The following CDH18 variants were observed in gnomAD, a reference collection of about 807,000 sequenced individuals.
CDH18 encodes cadherin 18, also known as cadherin-18.
CDH18 carries 31 observed loss-of-function variants against 67.9 expected under a neutral mutation model. That is an observed-to-expected ratio of 0.46 (90% CI 0.34 to 0.62). The LOEUF is 0.62. Among genes scored for constraint, CDH18 ranks in the 20% least tolerant of loss-of-function variants. The pLI is 0.01. For synonymous variants in CDH18, 362 were observed against 347.2 expected (o/e 1.04, Z -0.48); for missense variants, 890 against 975.5 (o/e 0.91, Z 1.17).
chr5:19,482,195 C>A (rs1458171837), intron 12 of CDH18, among the ~76,000 whole-genome samples: 4 of 151,846 alleles, frequency 2.6e-5, no homozygotes, highest in South Asian at 2.1e-4. Context: ...AGCTCACTGC[C>A]AGCTCCGCCT....
intron 9 of CDH18, among the ~76,000 whole-genome samples, chr5:19,528,562 C>T (rs114736438): frequency 1.4e-3 from 213 of 151,808 alleles, no homozygotes; most frequent in African/African-American, 5.0e-3. Flanking sequence ...CATCAAACTG[C>T]AATCTCTCAA....
At chr5:19,892,375 C>T (rs1285738657) in intron 2 of CDH18, among the ~76,000 whole-genome samples, 1 of 152,018 alleles carries the variant, frequency 6.6e-6, no homozygotes, top group African/African-American at 2.4e-5. Context: ...TTTACTTTTT[C>T]ATATTGAGAA....
chr5:19,505,891 T>A (rs1365367946), intron 10 of CDH18, among the ~76,000 whole-genome samples: 1 of 152,182 alleles, frequency 6.6e-6, no homozygotes, highest in East Asian at 1.9e-4. Context: ...TCAGAAGGAA[T>A]GGTACCAGCT....
chr5:20,172,324 A>C (rs1244099863), intron 2 of CDH18, among the ~76,000 whole-genome samples: 2 of 147,830 alleles, frequency 1.4e-5, no homozygotes, highest in African/African-American at 5.0e-5. Flanking sequence ...TTACCAGTAC[A>C]TATTCATGAA....
intron 1 of CDH18, among the ~76,000 whole-genome samples, chr5:20,559,665 A>C (rs2126642684): frequency 6.6e-6 from 1 of 152,238 alleles, no homozygotes; most frequent in Admixed American, 6.6e-5. Context: ...TTAAACTAAT[A>C]GAAAAATATA....
chr5:20,104,144 T>G (rs1013352237), intron 2 of CDH18, among the ~76,000 whole-genome samples: 8 of 151,250 alleles, frequency 5.3e-5, no homozygotes, highest in Admixed American at 4.0e-4. Context: ...GCTATTAATA[T>G]AGATATAGAT....
At chr5:19,793,114 G>T (rs569271455) in intron 3 of CDH18, among the ~76,000 whole-genome samples, 2 of 152,104 alleles carry the variant, frequency 1.3e-5, no homozygotes, top group African/African-American at 4.8e-5. Flanking sequence ...AGAAAACCCT[G>T]CAATTCTATA....
intron 2 of CDH18, among the ~76,000 whole-genome samples, chr5:20,205,606 G>C (rs1739818636): frequency 6.6e-6 from 1 of 151,772 alleles, no homozygotes; most frequent in Non-Finnish European, 1.5e-5. Context: ...AATATAGACT[G>C]TATCTTAGGT....
intron 3 of CDH18, among the ~76,000 whole-genome samples, chr5:19,805,540 C>T (rs557506162): frequency 2.0e-5 from 3 of 152,126 alleles, no homozygotes; most frequent in African/African-American, 4.8e-5. Context: ...TACTCTTTAG[C>T]CTACATCTCT....
At position 19,844,407 on chromosome 5, in the gene CDH18, C is replaced by G. The variant is rs183502790; in HGVS notation, c.-256-5165G>C. ...TCTTTCCCCTTTGTTCTGCAATTCTCTCTCCTGTAGACTTGTGAAAAAGGG... is the reference window on the plus strand; with the variant it reads ...TCTTTCCCCTTTGTTCTGCAATTCTGTCTCCTGTAGACTTGTGAAAAAGGG... On this transcript the variant is annotated intron_variant, in intron 2 of 12. Coordinates refer to ENST00000382275, the MANE Select transcript of CDH18 (RefSeq NM_004934.5). Among the ~76,000 whole-genome samples, 9 of 152,234 alleles carry G rather than the reference C, an allele frequency of 5.9e-5. No homozygotes were observed. In the East Asian group the frequency reaches 9.7e-4, roughly 16 times the overall value.
intron 5 of CDH18, among the ~76,000 whole-genome samples, chr5:19,630,673 T>A (rs935979397): frequency 6.6e-6 from 1 of 152,142 alleles, no homozygotes; most frequent in Non-Finnish European, 1.5e-5. Context: ...GTAATAGAAG[T>A]AGGCACCTAA....
At chr5:19,548,659 GA>G (rs1355308666) in intron 8 of CDH18, among the ~76,000 whole-genome samples, 1 of 151,708 alleles carries the variant, frequency 6.6e-6, no homozygotes, top group Non-Finnish European at 1.5e-5. Flanking sequence ...ATGAAGAAAC[GA>G]AGGGACAGAG....
chr5:20,549,873 C>T (rs566586767), intron 1 of CDH18, among the ~76,000 whole-genome samples: 2 of 152,084 alleles, frequency 1.3e-5, no homozygotes, highest in South Asian at 4.1e-4. Flanking sequence ...TGATAAACTT[C>T]TTTTCAAAGA....
intron 3 of CDH18, among the ~76,000 whole-genome samples, chr5:19,768,613 A>G (rs1773370992): frequency 6.6e-6 from 1 of 152,122 alleles, no homozygotes; most frequent in South Asian, 2.1e-4. Context: ...CCAGATATTT[A>G]AAAATCTCTG....
At chr5:19,736,943 G>T (rs16888245) in intron 4 of CDH18, among the ~76,000 whole-genome samples, 11,084 of 152,202 alleles carry the variant, frequency 0.073, 861 homozygotes, top group East Asian at 0.24. Context: ...GAAATTGGCT[G>T]AGAGAAACTC....
At chr5:20,538,665 AG>A (rs2126579165) in intron 1 of CDH18, among the ~76,000 whole-genome samples, 1 of 152,248 alleles carries the variant, frequency 6.6e-6, no homozygotes, top group East Asian at 1.9e-4. Context: ...CTATTATTTG[AG>A]GACTAGGGCA....
chr5:20,455,668 T>C (rs929826573), intron 1 of CDH18, among the ~76,000 whole-genome samples: 1 of 152,104 alleles, frequency 6.6e-6, no homozygotes, highest in South Asian at 2.1e-4. Context: ...ACAAATTTTA[T>C]TTTAGTTTTC....
At chr5:20,403,866 A>C (rs550347011) in intron 1 of CDH18, among the ~76,000 whole-genome samples, 1 of 152,164 alleles carries the variant, frequency 6.6e-6, no homozygotes, top group South Asian at 2.1e-4. Flanking sequence ...TTCTCTCTAC[A>C]TGAAAGTTTT....
At chr5:20,030,946 T>C (rs1347623956) in intron 2 of CDH18, among the ~76,000 whole-genome samples, 1 of 152,134 alleles carries the variant, frequency 6.6e-6, no homozygotes, top group East Asian at 1.9e-4. Context: ...TAATTGACTA[T>C]TTAAATAGAA....
Sources: gnomAD v4.1 joint callset for allele counts (sites outside exome capture counted in the v4.1 genomes callset) on GRCh38, gnomAD v4.1.1 for gene constraint, MANE v1.5 for transcripts, NCBI Gene and HGNC (gene_info 2026-07-23, HGNC 2026-07-21) for gene names.